The following ALOX15 variants were observed in gnomAD, a reference collection of about 807,000 sequenced individuals.
ALOX15 encodes arachidonate 15-lipoxygenase.
ALOX15 carries 68 observed loss-of-function variants against 71.7 expected under a neutral mutation model. That is an observed-to-expected ratio of 0.95 (90% CI 0.78 to 1.16). The LOEUF (loss-of-function observed/expected upper bound fraction) is 1.16, where lower values mean the gene tolerates loss of function less well. ALOX15 is among the 50% of genes most tolerant of loss of function. The pLI, the probability that ALOX15 is intolerant of heterozygous loss-of-function variation, is 0.00. For synonymous variants in ALOX15, 346 were observed against 333.3 expected, an observed-to-expected ratio of 1.04 and a Z score of -0.42; for missense variants, 798 against 818.8, an observed-to-expected ratio of 0.97 and a Z score of 0.31.
Position 4,641,669 on chromosome 17 carries a change from C to T in ALOX15, c.-18G>A. On this transcript the variant is annotated 5_prime_UTR_variant, in exon 1 of 14. Transcript: ENST00000293761. ...AGACCCATCTTGCTCAAAGATGTTTCGCTCCTTCTGGTGGAGAAGGGTGGA... is the reference window on the plus strand; with the variant it reads ...AGACCCATCTTGCTCAAAGATGTTTTGCTCCTTCTGGTGGAGAAGGGTGGA... 3 of 1,519,988 alleles carry T rather than the reference C, an allele frequency of 2.0e-6. No individual in the cohort carries two copies. The highest frequency in any genetic ancestry group is 2.6e-6 in the Non-Finnish European group (3 of 1,141,920). 94.2% of individuals were successfully genotyped at this position (1,519,988 alleles called of 1,614,324 possible).
intron 13 of ALOX15, 23 bp downstream of exon 13, chr17:4,631,866 G>T: frequency 5.0e-6 from 8 of 1,607,380 alleles, no homozygotes; most frequent in Non-Finnish European, 6.0e-6. Context: ...CCTTCCTTAG[G>T]GCCCTGGGCA....
rs201076802 is a variant in ALOX15, at chr17:4,633,134, C to T, written c.1418+12G>A. On this transcript the variant is annotated intron_variant, in intron 10 of 13. Transcript: ENST00000293761. ...CCACTTGCACCCCCACTGGCCTTCC[C>T]GCTTGCCTCACCGATAGATGATTTC... The T allele has an allele frequency of 7.9e-4, 1,266 of 1,612,640 alleles. 1 individual carries two copies. Among genetic ancestry groups the T allele is most frequent in the Non-Finnish European group, 7.7e-4 (905 of 1,179,048 alleles).
At chr17:4,632,425 T>C in intron 11 of ALOX15, 144 bp from the exon 12 acceptor site, 1 of 729,662 alleles carries the variant, frequency 1.4e-6, no homozygotes. Context: ...TGACAGCAGG[T>C]TGGGGTGGGG....
intron 7 of ALOX15, among the ~76,000 whole-genome samples, chr17:4,636,891 T>G (rs1224069475): frequency 6.6e-6 from 1 of 152,128 alleles, no homozygotes; most frequent in East Asian, 1.9e-4. Context: ...GCTGTCTCTG[T>G]CCTCAGGGAC....
chr17:4,639,178 CTCT>C, intron 2 of ALOX15, 46 bp from the exon 3 acceptor site: 2 of 1,605,698 alleles, frequency 1.2e-6, no homozygotes, highest in Non-Finnish European at 1.7e-6. Context: ...TGGTGAGCGC[CTCT>C]TCTTGTCTCT....
rs764006805 is a variant in ALOX15, at chr17:4,635,821, T to C, written c.1099A>G (p.Met367Val). The change falls in exon 8 of 14, where the codon ATG (methionine) becomes GTG (valine). Residue 367 changes from methionine (M) to valine (V), a missense_variant. Met to Val is a conservative substitution (Grantham distance 21). This residue lies in a region of ALOX15 where 490 missense variants were observed against 509.4 expected (regional missense o/e 0.96). Transcript: ENST00000293761. ...GTGGCCACAACAATGACCTCAGCCATCAAGTGTCCCCTCAGAAGATGAGAC... is the reference window on the plus strand; with the variant it reads ...GTGGCCACAACAATGACCTCAGCCACCAAGTGTCCCCTCAGAAGATGAGAC... The part of the protein sequence containing the change: ...LQSHLLRGHL[M>V]AEVIVVATMR... The C allele has an allele frequency of 4.3e-6, 7 of 1,614,204 alleles. No individual in the cohort carries two copies. The highest frequency in any genetic ancestry group is 5.1e-6 in the Non-Finnish European group (6 of 1,180,026).
At chr17:4,640,667 G>A (rs1195599336) in intron 1 of ALOX15, among the ~76,000 whole-genome samples, 1 of 147,840 alleles carries the variant, frequency 6.8e-6, no homozygotes. Flanking sequence ...CCGCTTTCTC[G>A]GAAGCTCGGA....
In ALOX15 at chr17:4,639,045, G is replaced by C; in HGVS notation, c.419+6C>G. On this transcript the variant is annotated splice_donor_region_variant and intron_variant, in intron 3 of 13. Transcript: ENST00000293761. ...GCTCACGTGGGGTCAGGGGAGGAGGGCTCACCGGTACAACTTCCTTCTCTC... is the reference window on the plus strand; with the variant it reads ...GCTCACGTGGGGTCAGGGGAGGAGGCCTCACCGGTACAACTTCCTTCTCTC... 1 of 1,614,196 alleles carries C rather than the reference G, an allele frequency of 6.2e-7. No individual in the cohort carries two copies.
At chr17:4,634,466 C>T (rs1318430258) in intron 8 of ALOX15, among the ~76,000 whole-genome samples, 1 of 150,302 alleles carries the variant, frequency 6.7e-6, no homozygotes. Flanking sequence ...CCGTGCCTGG[C>T]CTCCTTTTCT....
chr17:4,637,264 T>TG lies in ALOX15; in HGVS notation c.808-7dup, dbSNP rs1357334837. The TG allele has an allele frequency of 6.2e-7, 1 of 1,607,834 alleles. No individual in the cohort carries two copies. Among genetic ancestry groups the TG allele is most frequent in the Non-Finnish European group, 8.5e-7 (1 of 1,175,894 alleles). On this transcript the variant is annotated splice_region_variant and splice_polypyrimidine_tract_variant and intron_variant, in intron 6 of 13. Transcript: ENST00000293761. ...GCTTCGAACAGTGTGCCTCCCTGGG[T>TG]GGGGGAAGAGGTCAAGGGCTGCTAT...
chr17:4,639,063 C>T lies in ALOX15; in HGVS notation c.407G>A (p.Arg136Lys), dbSNP rs1310631082. 1.2e-6 allele frequency: 2 copies of T among 1,614,208 alleles called. No homozygotes were observed. The highest frequency in any genetic ancestry group is 1.7e-6 in the Non-Finnish European group (2 of 1,180,030). ...GAGGAGGGCTCACCGGTACAACTTCCTTCTCTCTTCCAGCTCTTCTTCCCG... is the reference window on the plus strand; with the variant it reads ...GAGGAGGGCTCACCGGTACAACTTCTTTCTCTCTTCCAGCTCTTCTTCCCG... The part of the protein sequence containing the change: ...KHREEELEER[R>K]KLYRWGNWKD... Residue 136 changes from arginine (R) to lysine (K), a missense_variant, in exon 3 of 14, where the codon AGG (arginine) becomes AAG (lysine). By Grantham distance (26) the Arg-to-Lys change is conservative. This residue lies in a region of ALOX15 where 300 missense variants were observed against 283.1 expected (regional missense o/e 1.06). Coordinates refer to ENST00000293761, the MANE Select transcript of ALOX15 (RefSeq NM_001140.5).
intron 8 of ALOX15, among the ~76,000 whole-genome samples, chr17:4,633,866 T>C (rs1911001946): frequency 6.6e-6 from 1 of 152,126 alleles, no homozygotes; most frequent in African/African-American, 2.4e-5. Context: ...AAGAACAAGA[T>C]CATGTTCTCT....
At position 4,631,972 on chromosome 17, in the gene ALOX15, C is replaced by G; in HGVS notation, c.1726G>C (p.Val576Leu). The G allele has an allele frequency of 6.2e-7, 1 of 1,614,148 alleles. No homozygotes were observed. The highest frequency in any genetic ancestry group is 2.2e-5 in the East Asian group (1 of 44,878). ...TGGAAGTTGGGCAGTGTCGCCATCA[C>G]TGTCTCCAGCGTTGCATCCTTGGTG... ...PTTKDATLET[V>L]MATLPNFHQA... Residue 576 changes from valine (V) to leucine (L), a missense_variant, in exon 13 of 14, where the codon GTG (valine) becomes CTG (leucine). Val to Leu is a conservative substitution (Grantham distance 32, BLOSUM62 1). Transcript: ENST00000293761.
At chr17:4,631,833 G>A in intron 13 of ALOX15, 54 bp from the exon 14 acceptor site, 2 of 1,609,628 alleles carry the variant, frequency 1.2e-6, no homozygotes, top group Non-Finnish European at 1.7e-6. Context: ...AGTCTGGGAT[G>A]CCACACGTCC....
At chr17:4,641,382 G>C (rs2150539880) in intron 1 of ALOX15, 135 bp downstream of exon 1, 2 of 1,334,458 alleles carry the variant, frequency 1.5e-6, no homozygotes, top group African/African-American at 2.9e-5. Context: ...TGGCCTCCGC[G>C]CGCTTTGAGC....
chr17:4,635,920 T>C lies in ALOX15; in HGVS notation c.1000A>G (p.Thr334Ala). 6.2e-6 allele frequency: 10 copies of C among 1,614,136 alleles called. No individual in the cohort carries two copies. Among genetic ancestry groups the C allele is most frequent in the Non-Finnish European group, 8.5e-6 (10 of 1,180,024 alleles). Residue 334 changes from threonine to alanine, a missense_variant, in exon 8 of 14, where the codon ACG becomes GCG. Physicochemically the swap from Thr to Ala is moderately conservative, Grantham distance 58. Coordinates refer to ENST00000293761, the MANE Select transcript of ALOX15 (RefSeq NM_001140.5). ...GSPPPPLFLP[T>A]DPPMAWLLAK... Reference sequence around the variant, plus strand: ...AGAAGCCAGGCCATTGGGGGATCCGTAGGCAAGAAAAGGGGAGGTGGTGGG... The same window carrying C: ...AGAAGCCAGGCCATTGGGGGATCCGCAGGCAAGAAAAGGGGAGGTGGTGGG...
rs1219533889 is a variant in ALOX15, at chr17:4,631,806, A to G, written c.1810-27T>C. 3.7e-6 allele frequency: 6 copies of G among 1,613,042 alleles called. No homozygotes were observed. In the African/African-American group the frequency reaches 5.3e-5, roughly 14 times the overall value. On this transcript the variant is annotated intron_variant, in intron 13 of 13. Coordinates refer to ENST00000293761, the MANE Select transcript of ALOX15 (RefSeq NM_001140.5). ...TGGGAGGGAGAGGAAAAGGTGGCTG[A>G]GAGCCTTATGACCCCCAGTCTGGGA...
intron 2 of ALOX15, 33 bp downstream of exon 2, chr17:4,639,397 G>A (rs1311215647): frequency 4.3e-6 from 7 of 1,611,576 alleles, no homozygotes; most frequent in Middle Eastern, 1.7e-4. Flanking sequence ...ACACAGCCCA[G>A]AGGCCTCCTG....
intron 11 of ALOX15, among the ~76,000 whole-genome samples, chr17:4,632,499 C>T (rs1032025180): frequency 2.0e-5 from 3 of 152,096 alleles, no homozygotes; most frequent in Non-Finnish European, 2.9e-5. Context: ...CACACTGGCT[C>T]GCAAGAGTCA....
Sources: gnomAD v4.1 joint callset for allele counts (sites outside exome capture counted in the v4.1 genomes callset) on GRCh38, gnomAD v4.1.1 for gene constraint, gnomAD v4.1.1 regional missense constraint, MANE v1.5 for transcripts, NCBI Gene and HGNC (gene_info 2026-07-23, HGNC 2026-07-21) for gene names.